The following GLIS3 variants were observed in gnomAD, a reference collection of about 807,000 sequenced individuals.
GLIS3 encodes the protein zinc finger protein GLIS3.
A neutral mutation model predicts 78.6 loss-of-function variants in GLIS3; 53 were observed. The ratio of observed to expected loss-of-function variants is 0.67; its 90% CI spans 0.54 to 0.85. The LOEUF is 0.85. Among genes scored for constraint, GLIS3 ranks in the 40% least tolerant of loss-of-function variants. The probability of loss-of-function intolerance (pLI) is 0.00; values close to 1 mark genes in which losing one functional copy is unlikely to be tolerated. For missense variants in GLIS3, 1,703 were observed against 1,231.1 expected, an observed-to-expected ratio of 1.38 and a Z score of -5.74; for synonymous variants, 684 against 509.9, an observed-to-expected ratio of 1.34 and a Z score of -4.60.
At chr9:3,855,527 C>T (rs1343534579) in intron 9 of GLIS3, 1 of 186,094 alleles carries the variant, frequency 5.4e-6, no homozygotes, top group Non-Finnish European at 1.1e-5. Context: ...GATATAAAAT[C>T]AGAGTTTAGA....
chr9:4,239,319 TA>T (rs142806886), intron 2 of GLIS3, among the ~76,000 whole-genome samples: 21 of 144,536 alleles, frequency 1.5e-4, no homozygotes, highest in Admixed American at 8.3e-4. Context: ...AAAGTATAAT[TA>T]AAAAAAAAAC....
At chr9:3,838,555 A>C (rs1272100285) in intron 9 of GLIS3, among the ~76,000 whole-genome samples, 1 of 152,172 alleles carries the variant, frequency 6.6e-6, no homozygotes, top group Admixed American at 6.5e-5. Context: ...CAAGTATAAG[A>C]AGAATCCCTG....
the GLIS3 span, among the ~76,000 whole-genome samples, chr9:4,487,224 G>C: frequency 3.4e-4 from 51 of 152,166 alleles, no homozygotes; most frequent in South Asian, 8.3e-4. Flanking sequence ...AAGAGTTCTC[G>C]TGGGTCTGAA....
chr9:3,863,497 G>C (rs973095454), intron 8 of GLIS3, among the ~76,000 whole-genome samples: 42 of 152,214 alleles, frequency 2.8e-4, no homozygotes, highest in African/African-American at 9.9e-4. Flanking sequence ...AATAGTCCAA[G>C]AGCCTAATCT....
At chr9:4,335,914 G>A (rs2130574617) in intron 2 of GLIS3, among the ~76,000 whole-genome samples, 1 of 152,140 alleles carries the variant, frequency 6.6e-6, no homozygotes, top group East Asian at 1.9e-4. Flanking sequence ...ACAGAGCTAT[G>A]ACAACCTAAG....
At chr9:4,453,412 A>C in the GLIS3 span, among the ~76,000 whole-genome samples, 3 of 151,972 alleles carry the variant, frequency 2.0e-5, no homozygotes, top group Non-Finnish European at 4.4e-5. Context: ...AATGGGAGGA[A>C]ATTTTTGCAA....
chr9:4,203,827 G>A (rs1434993562), intron 2 of GLIS3, among the ~76,000 whole-genome samples: 1 of 152,156 alleles, frequency 6.6e-6, no homozygotes, highest in Non-Finnish European at 1.5e-5. Flanking sequence ...GCAGCTGGAG[G>A]CCATTATCCT....
At chr9:3,921,186 G>C (rs566028314) in intron 6 of GLIS3, among the ~76,000 whole-genome samples, 54 of 152,326 alleles carry the variant, frequency 3.5e-4, no homozygotes, top group Non-Finnish European at 5.0e-4. Context: ...AATGAGGACA[G>C]TTGAAATTGT....
chr9:3,834,968 T>C (rs1161530100), intron 9 of GLIS3, among the ~76,000 whole-genome samples: 1 of 152,188 alleles, frequency 6.6e-6, no homozygotes, highest in Admixed American at 6.5e-5. Context: ...AGGGTGGCGA[T>C]GTGCCCTTGT....
chr9:4,148,812 A>G (rs1834436154), intron 2 of GLIS3, among the ~76,000 whole-genome samples: 1 of 152,152 alleles, frequency 6.6e-6, no homozygotes, highest in Non-Finnish European at 1.5e-5. Flanking sequence ...GAAATTGCTG[A>G]GAAGCCTGGA....
At chr9:3,900,515 A>T (rs1009134900) in intron 6 of GLIS3, among the ~76,000 whole-genome samples, 1 of 145,504 alleles carries the variant, frequency 6.9e-6, no homozygotes, top group Non-Finnish European at 1.6e-5. Flanking sequence ...TATATATATA[A>T]AACAAATAGC....
chr9:4,344,349 C>G (rs1398035493), intron 2 of GLIS3, among the ~76,000 whole-genome samples: 1 of 152,214 alleles, frequency 6.6e-6, no homozygotes, highest in Admixed American at 6.5e-5. Flanking sequence ...CCTATTTCAC[C>G]TGCATTTGGC....
chr9:4,138,487 T>G (rs912410874), intron 2 of GLIS3, among the ~76,000 whole-genome samples: 1 of 152,172 alleles, frequency 6.6e-6, no homozygotes, highest in Non-Finnish European at 1.5e-5. Context: ...GGAGGCTTAG[T>G]AGAGGAGTGA....
At chr9:4,195,902 G>A (rs559543534) in intron 2 of GLIS3, among the ~76,000 whole-genome samples, 5 of 152,236 alleles carry the variant, frequency 3.3e-5, no homozygotes, top group Non-Finnish European at 5.9e-5. Flanking sequence ...CTAGAGGATT[G>A]TAAATGCACC....
chr9:4,207,133 A>C (rs1242897603), intron 2 of GLIS3, among the ~76,000 whole-genome samples: 4 of 152,210 alleles, frequency 2.6e-5, no homozygotes, highest in African/African-American at 9.6e-5. Context: ...TGGTATGTGG[A>C]GAATAATCCA....
chr9:3,933,160 G>A (rs1432126417), intron 5 of GLIS3, among the ~76,000 whole-genome samples: 1 of 151,948 alleles, frequency 6.6e-6, no homozygotes, highest in Non-Finnish European at 1.5e-5. Context: ...GAGGTGTGGT[G>A]CTTAAGGCTG....
intron 4 of GLIS3, among the ~76,000 whole-genome samples, chr9:4,102,619 A>G (rs1830457114): frequency 6.6e-6 from 1 of 152,212 alleles, no homozygotes. Context: ...ACAAAAACCC[A>G]GTCCAAATGT....
intron 2 of GLIS3, among the ~76,000 whole-genome samples, chr9:4,144,424 A>T (rs1401880905): frequency 6.6e-6 from 1 of 152,224 alleles, no homozygotes; most frequent in African/African-American, 2.4e-5. Context: ...TGAAGACAGG[A>T]AAGTTGTCAG....
intron 2 of GLIS3, among the ~76,000 whole-genome samples, chr9:4,259,731 G>A (rs1825330690): frequency 6.6e-6 from 1 of 152,126 alleles, no homozygotes; most frequent in Admixed American, 6.5e-5. Context: ...TCACAGATGG[G>A]GTGGGGTGGG....
Sources: gnomAD v4.1 joint callset for allele counts (sites outside exome capture counted in the v4.1 genomes callset) on GRCh38, gnomAD v4.1.1 for gene constraint, MANE v1.5 for transcripts, NCBI Gene and HGNC (gene_info 2026-07-23, HGNC 2026-07-21) for gene names.